Variants in NFIB observed in about 807,000 individuals in gnomAD.
The protein encoded by NFIB is nuclear factor 1 B-type.
NFIB carries 11 observed loss-of-function variants against 61.5 expected under a neutral mutation model. The ratio of observed to expected loss-of-function variants is 0.18; its 90% confidence interval spans 0.11 to 0.30. NFIB has a LOEUF of 0.30. Among genes scored for constraint, NFIB ranks in the 10% least tolerant of loss-of-function variants. The pLI, the probability that NFIB is intolerant of heterozygous loss-of-function variation, is 1.00. For missense variants in NFIB, 471 were observed against 608.9 expected (o/e 0.77, Z 2.38); for synonymous variants, 260 against 216.5 (o/e 1.20, Z -1.76).
At chr9:14,129,826 ACAT>A (rs1345909342) in intron 6 of NFIB, among the ~76,000 whole-genome samples, 1 of 152,206 alleles carries the variant, frequency 6.6e-6, no homozygotes, top group African/African-American at 2.4e-5. Flanking sequence ...AATAATGCAT[ACAT>A]AATAATGCAT....
upstream of NFIB, among the ~76,000 whole-genome samples, chr9:14,399,592 G>A (rs1280466390): frequency 6.6e-6 from 1 of 152,064 alleles, no homozygotes; most frequent in Non-Finnish European, 1.5e-5. Context: ...AATAATGATT[G>A]ATTTTGTCTC....
At chr9:14,111,900 T>C (rs1299073587) in intron 10 of NFIB, among the ~76,000 whole-genome samples, 2 of 152,168 alleles carry the variant, frequency 1.3e-5, no homozygotes, top group Non-Finnish European at 2.9e-5. Context: ...TGACCTCTAA[T>C]ATGCAGTCTG....
chr9:14,117,755 A>G (rs1464494806), intron 8 of NFIB, among the ~76,000 whole-genome samples: 2 of 152,170 alleles, frequency 1.3e-5, no homozygotes, highest in African/African-American at 4.8e-5. Context: ...GTTTTCCAAT[A>G]TGGAAACCTA....
chr9:14,361,426 C>T (rs938117659), intron 1 of NFIB: 6 of 152,182 alleles, frequency 3.9e-5, no homozygotes, highest in Non-Finnish European at 5.9e-5. Flanking sequence ...TATTCTTCAG[C>T]ACTTCTGTAT....
the NFIB span, among the ~76,000 whole-genome samples, chr9:14,460,040 A>T: frequency 1.1e-4 from 17 of 152,328 alleles, no homozygotes; most frequent in African/African-American, 4.1e-4. Flanking sequence ...AGGAGTATAA[A>T]TCATGCTGCT....
At chr9:14,442,918 C>G in the NFIB span, among the ~76,000 whole-genome samples, 1 of 151,982 alleles carries the variant, frequency 6.6e-6, no homozygotes, top group Non-Finnish European at 1.5e-5. Flanking sequence ...TTGCAGTCTG[C>G]GGAAGGCTAT....
At chr9:14,228,256 G>A (rs1045471241) in intron 2 of NFIB, among the ~76,000 whole-genome samples, 26 of 149,116 alleles carry the variant, frequency 1.7e-4, no homozygotes, top group South Asian at 1.5e-3. Flanking sequence ...GTGCAGTGGC[G>A]CAATCTCGGC....
rs2038816052 is a variant in NFIB at position 14,120,741 on chromosome 9, T to C, written c.1061-117A>G. 1.9e-6 allele frequency: 2 copies of C among 1,046,648 alleles called. No homozygotes were observed. The highest frequency in any genetic ancestry group is 2.7e-6 in the Non-Finnish European group (2 of 738,834). 64.8% of individuals were successfully genotyped at this position (1,046,648 alleles called of 1,614,324 possible). On this transcript the variant is annotated intron_variant, in intron 7 of 10. Transcript: ENST00000380953. This position sits in a 1 kb window ranked among gnomAD's most constrained non-coding sequence, Gnocchi z 4.4. ...TGGTAACCATTCATTTTTGTCCCCA[T>C]GATTTAACCAAGCTCTCCTAAATCA...
chr9:14,328,100 G>A (rs893948990), intron 1 of NFIB, among the ~76,000 whole-genome samples: 1 of 152,178 alleles, frequency 6.6e-6, no homozygotes, highest in Non-Finnish European at 1.5e-5. Context: ...TAAAGTCACT[G>A]CCTCTGCTTT....
At chr9:14,440,680 GC>G in the NFIB span, among the ~76,000 whole-genome samples, 4 of 152,292 alleles carry the variant, frequency 2.6e-5, no homozygotes, top group African/African-American at 7.2e-5. Flanking sequence ...TGATAACAAT[GC>G]CTCAGTCACT....
rs1048313376 is a variant in NFIB at position 14,081,937 on chromosome 9, T to C, written c.*6372A>G. ...AATTGACTGCAGTATGAGCAGCTGC[T>C]AGCAGTATAGGCTGGATATAACAGT... On this transcript the variant is annotated 3_prime_UTR_variant, in exon 11 of 11. Coordinates refer to ENST00000380953, the MANE Select transcript of NFIB (RefSeq NM_001190737.2). 2.5e-5 allele frequency: 5 copies of C among 201,720 alleles called. No homozygotes were observed. Among genetic ancestry groups the C allele is most frequent in the Non-Finnish European group, 4.1e-5 (4 of 97,610 alleles). 12.5% of individuals were successfully genotyped at this position (201,720 alleles called of 1,614,324 possible).
At chr9:14,175,510 C>T (rs1297399818) in intron 3 of NFIB, among the ~76,000 whole-genome samples, 2 of 152,070 alleles carry the variant, frequency 1.3e-5, no homozygotes, top group African/African-American at 4.8e-5. Context: ...AAGATAAGCA[C>T]ATAGCTATCA....
At position 14,120,575 on chromosome 9, in the gene NFIB, T is replaced by G. The variant is rs762859077; in HGVS notation, c.1110A>C (p.Thr370=). Residue 370 remains threonine (T), a synonymous_variant, in exon 8 of 11, where the codon ACA becomes ACC. Transcript: ENST00000380953. This position sits in a 1 kb window ranked among gnomAD's most constrained non-coding sequence, Gnocchi z 4.4. ...ATGGGGCTGGAGGAAGGATAGCTTGTGTTGGAAATGGCAACGGTGAAGGTG... is the reference window on the plus strand; with the variant it reads ...ATGGGGCTGGAGGAAGGATAGCTTGGGTTGGAAATGGCAACGGTGAAGGTG... The part of the protein sequence containing the change: ...PPPPSPLPFP[T]QAILPPAPSS... 3 of 1,613,522 alleles carry G rather than the reference T, an allele frequency of 1.9e-6. No homozygotes were observed. The highest frequency in any genetic ancestry group is 1.7e-5 in the Admixed American group (1 of 59,908).
At position 14,314,002 on chromosome 9, in the gene NFIB, G is replaced by T. The variant is rs1449784272; in HGVS notation, c.-491C>A. On this transcript the variant is annotated 5_prime_UTR_variant, in exon 1 of 11. Transcript: ENST00000380953. ...CGAGCGGGCGGGCGGGAGGGAGAGC[G>T]GGGAGAATGTGTCACCGCGCTGGGA... 4 of 1,066,504 alleles carry T rather than the reference G, an allele frequency of 3.8e-6. No individual in the cohort carries two copies. The highest frequency in any genetic ancestry group is 4.5e-6 in the Non-Finnish European group (4 of 881,590). The allele number at this position is 1,066,504 out of a possible 1,614,324, so 66.1% of individuals were successfully genotyped here.
rs1208146242 is a variant in NFIB at position 14,314,121 on chromosome 9, A to AGGGGCAGCGTGAGCGAGTGCGCGC, written c.-611_-610insGCGCGCACTCGCTCACGCTGCCCC. 2.1e-6 allele frequency: 2 copies of AGGGGCAGCGTGAGCGAGTGCGCGC among 970,018 alleles called. No individual in the cohort carries two copies. Among genetic ancestry groups the AGGGGCAGCGTGAGCGAGTGCGCGC allele is most frequent in the African/African-American group, 1.9e-5 (1 of 51,930 alleles). The allele number at this position is 970,018 out of a possible 1,614,324, so 60.1% of individuals were successfully genotyped here. On this transcript the variant is annotated 5_prime_UTR_variant, in exon 1 of 11. Transcript: ENST00000380953. ...CGCGAGCCGACCATGTGTGTGCGCGAGGGGCAGCGTGAGCGAGTGCGCGCG... is the reference window on the plus strand; with the variant it reads ...CGCGAGCCGACCATGTGTGTGCGCGAGGGGCAGCGTGAGCGAGTGCGCGCGGGGCAGCGTGAGCGAGTGCGCGCG...
intron 2 of NFIB, among the ~76,000 whole-genome samples, chr9:14,257,657 G>A (rs1489488867): frequency 1.3e-5 from 2 of 152,182 alleles, no homozygotes; most frequent in African/African-American, 2.4e-5. Context: ...TTGGGAGGCT[G>A]AGGCAGGAGA....
intron 2 of NFIB, among the ~76,000 whole-genome samples, chr9:14,264,175 A>G (rs1244552344): frequency 6.6e-6 from 1 of 152,058 alleles, no homozygotes; most frequent in African/African-American, 2.4e-5. Context: ...GACTATTTAA[A>G]ATTGACCAAA....
At chr9:14,480,781 T>G in the NFIB span, among the ~76,000 whole-genome samples, 1 of 152,150 alleles carries the variant, frequency 6.6e-6, no homozygotes, top group African/African-American at 2.4e-5. Flanking sequence ...CATGGCTGCC[T>G]CCTGCTGAGA....
Position 14,158,224 on chromosome 9 carries a change from C to G in NFIB, c.617-2331G>C, listed in dbSNP as rs528969559. 2.6e-5 allele frequency among the ~76,000 whole-genome samples: 4 copies of G among 152,174 alleles called. No individual in the cohort carries two copies. In the East Asian group the frequency reaches 7.7e-4, roughly 29 times the overall value. On this transcript the variant is annotated intron_variant, in intron 3 of 10. Transcript: ENST00000380953. ...GATTATTTTTCATCACCCAATTGTA[C>G]TTTGTAAATGCCTACCCTTCATATC...
Sources: gnomAD v4.1 joint callset for allele counts (sites outside exome capture counted in the v4.1 genomes callset) on GRCh38, gnomAD v4.1.1 for gene constraint, Gnocchi (gnomAD v3.1) non-coding constraint, MANE v1.5 for transcripts, NCBI Gene and HGNC (gene_info 2026-07-23, HGNC 2026-07-21) for gene names.